The following SGCD variants were observed in gnomAD, a reference collection of about 807,000 sequenced individuals.
The protein encoded by SGCD is delta-sarcoglycan.
In SGCD, 18 loss-of-function variants were observed where a neutral mutation model predicts 36.6. That is an observed-to-expected ratio of 0.49 (90% CI 0.34 to 0.73). The LOEUF (loss-of-function observed/expected upper bound fraction) is 0.73. Among genes scored for constraint, SGCD ranks in the 30% least tolerant of loss-of-function variants. The pLI is 0.01. For missense variants in SGCD, 387 were observed against 346.7 expected (o/e 1.12, Z -0.92); for synonymous variants, 133 against 130.6 (o/e 1.02, Z -0.12).
intron 7 of SGCD, among the ~76,000 whole-genome samples, chr5:156,706,662 A>G (rs1042612464): frequency 1.3e-5 from 2 of 152,254 alleles, no homozygotes; most frequent in Non-Finnish European, 1.5e-5. Flanking sequence ...TCCCTCAGCA[A>G]TCAGAGTCCC....
At chr5:155,805,574 C>T in the SGCD span, among the ~76,000 whole-genome samples, 2 of 152,176 alleles carry the variant, frequency 1.3e-5, no homozygotes, top group Non-Finnish European at 2.9e-5. Context: ...ACACCAGATG[C>T]CAGTAGCACT....
intron 6 of SGCD, among the ~76,000 whole-genome samples, chr5:156,600,901 A>G (rs1761162723): frequency 6.6e-6 from 1 of 152,102 alleles, no homozygotes; most frequent in African/African-American, 2.4e-5. Flanking sequence ...CATTTCATTT[A>G]TATTTAAATG....
chr5:155,843,968 T>C, the SGCD span, among the ~76,000 whole-genome samples: 53 of 152,322 alleles, frequency 3.5e-4, no homozygotes, highest in South Asian at 9.9e-3. Context: ...TTCTGTTATA[T>C]CCAAAAGATC....
intron 3 of SGCD, among the ~76,000 whole-genome samples, chr5:156,233,707 T>A (rs1005586938): frequency 4.6e-5 from 7 of 152,104 alleles, no homozygotes; most frequent in African/African-American, 1.7e-4. Flanking sequence ...AGCTTAAAAG[T>A]AAATGCTCAC....
intron 6 of SGCD, 99 bp from the exon 7 acceptor site, chr5:156,647,365 A>C (rs1482336278): frequency 1.5e-5 from 11 of 741,118 alleles, no homozygotes; most frequent in Non-Finnish European, 1.8e-5. Flanking sequence ...GGGGTTGTGT[A>C]ATGGATTCGC....
At chr5:156,446,343 T>G (rs1182653466) in intron 3 of SGCD, among the ~76,000 whole-genome samples, 1 of 152,050 alleles carries the variant, frequency 6.6e-6, no homozygotes, top group Non-Finnish European at 1.5e-5. Flanking sequence ...ACAGTTGCAC[T>G]GGGGTAGGAG....
Position 156,051,394 on chromosome 5 carries a change from A to G in SGCD, c.-281-66484A>G, listed in dbSNP as rs1353154186. Among the ~76,000 whole-genome samples the G allele has an allele frequency of 1.4e-5, 2 of 146,208 alleles. 1 individual carries two copies. The highest frequency in any genetic ancestry group is 4.9e-5 in the African/African-American group (2 of 40,690). ...TCCAGTGACTGGGTTGAGACTTGAA[A>G]ATAAATATGCAAATTTATATTTGAC... On this transcript the variant is annotated intron_variant, in intron 1 of 9. Coordinates refer to the SGCD transcript ENST00000517913.
chr5:156,733,456 T>TA, intron 7 of SGCD, among the ~76,000 whole-genome samples: 1 of 152,022 alleles, frequency 6.6e-6, no homozygotes, highest in East Asian at 1.9e-4. Context: ...AATTTTAGAG[T>TA]AACTGCCATG....
chr5:156,158,843 A>G (rs1365312759), intron 3 of SGCD, among the ~76,000 whole-genome samples: 1 of 151,584 alleles, frequency 6.6e-6, no homozygotes, highest in Non-Finnish European at 1.5e-5. Flanking sequence ...GCATGATAGA[A>G]AGGACTAGAA....
intron 1 of SGCD, among the ~76,000 whole-genome samples, chr5:156,067,970 C>G (rs1238776622): frequency 8.1e-6 from 1 of 123,232 alleles, no homozygotes; most frequent in East Asian, 2.0e-4. Flanking sequence ...CTCCCCCCCA[C>G]TTTTTTTTTT....
Position 156,018,707 on chromosome 5 carries a change from A to G in SGCD, c.-281-99171A>G, listed in dbSNP as rs1759036973. Among the ~76,000 whole-genome samples the G allele has an allele frequency of 2.0e-5, 3 of 152,140 alleles. No homozygotes were observed. The South Asian group carries it at 6.2e-4, about 32-fold the overall frequency. On this transcript the variant is annotated intron_variant, in intron 1 of 9. Transcript: ENST00000517913. The stretch of plus-strand genomic sequence containing the variant: ...GGTTATCAGAAACAAACACCTCCTA[A>G]AACTTTTTAACTTCTGGAAGGCTAA...
intron 1 of SGCD, among the ~76,000 whole-genome samples, chr5:156,074,567 C>G (rs1760711780): frequency 6.6e-6 from 1 of 152,042 alleles, no homozygotes; most frequent in Non-Finnish European, 1.5e-5. Flanking sequence ...GTAGTCCGAG[C>G]TACTTGGGAG....
At chr5:156,537,508 G>T (rs111338324) in intron 4 of SGCD, among the ~76,000 whole-genome samples, 1 of 93,356 alleles carries the variant, frequency 1.1e-5, no homozygotes, top group Non-Finnish European at 2.3e-5. Flanking sequence ...CACACACACA[G>T]GTATATATAT....
At chr5:156,081,142 G>A (rs540011847) in intron 1 of SGCD, among the ~76,000 whole-genome samples, 3 of 152,234 alleles carry the variant, frequency 2.0e-5, no homozygotes, top group Non-Finnish European at 4.4e-5. Flanking sequence ...AAGGTAAAGA[G>A]GGAGAAGGCA....
intron 3 of SGCD, among the ~76,000 whole-genome samples, chr5:156,384,701 G>A (rs376182861): frequency 6.6e-6 from 1 of 152,254 alleles, no homozygotes; most frequent in East Asian, 1.9e-4. Context: ...ATTGTCAATG[G>A]TATCAGATGT....
intron 4 of SGCD, among the ~76,000 whole-genome samples, chr5:156,536,986 C>T (rs1172341772): frequency 6.6e-6 from 1 of 152,114 alleles, no homozygotes; most frequent in African/African-American, 2.4e-5. Flanking sequence ...GGCTTTGTGA[C>T]TTTGTGCCGC....
intron 1 of SGCD, among the ~76,000 whole-genome samples, chr5:155,890,581 C>T (rs1756101516): frequency 6.6e-6 from 1 of 151,770 alleles, no homozygotes; most frequent in South Asian, 2.1e-4. Context: ...GCACTTCAGC[C>T]TGGGTGACAG....
intron 1 of SGCD, among the ~76,000 whole-genome samples, chr5:156,087,341 T>TGCCACCGTGCCC (rs1229107987): frequency 2.0e-5 from 3 of 152,126 alleles, no homozygotes; most frequent in African/African-American, 7.2e-5. Flanking sequence ...GAACAGCCAT[T>TGCCACCGTGCCC]AGAATATCTA....
chr5:156,701,972 T>C (rs972168268), intron 7 of SGCD, among the ~76,000 whole-genome samples: 1 of 152,174 alleles, frequency 6.6e-6, no homozygotes, highest in Non-Finnish European at 1.5e-5. Flanking sequence ...AGAAAATCCA[T>C]AGAACCAACT....
Sources: allele counts gnomAD v4.1 joint callset (sites outside exome capture counted in the v4.1 genomes callset), GRCh38; gene constraint gnomAD v4.1.1; transcripts MANE v1.5; gene names NCBI Gene and HGNC (gene_info 2026-07-23, HGNC 2026-07-21).